ELF1: variants seen among roughly 807,000 people sequenced by gnomAD.
ELF1 encodes E74 like ETS transcription factor 1, also known as ETS-related transcription factor Elf-1.
A neutral mutation model predicts 59.9 loss-of-function variants in ELF1; 24 were observed. The observed-to-expected ratio is 0.40, with a 90% CI of 0.29 to 0.56. ELF1 has a LOEUF of 0.56. Among genes scored for constraint, ELF1 ranks in the 20% least tolerant of loss-of-function variants. ELF1 has a pLI of 0.44. For synonymous variants in ELF1, 248 were observed against 266.2 expected (o/e 0.93, Z 0.67); for missense variants, 627 against 742.2 (o/e 0.84, Z 1.80).
intron 1 of ELF1, among the ~76,000 whole-genome samples, chr13:41,031,151 C>A: frequency 6.8e-6 from 1 of 146,030 alleles, no homozygotes. Flanking sequence ...AGAGTGAGAC[C>A]CTATTAAAAA....
At chr13:41,008,550 G>A (rs1874877736) in intron 1 of ELF1, among the ~76,000 whole-genome samples, 1 of 151,286 alleles carries the variant, frequency 6.6e-6, no homozygotes, top group Non-Finnish European at 1.5e-5. Context: ...CACGCATGAT[G>A]TTACAAAATC....
At chr13:41,057,017 C>T (rs562027109) in intron 1 of ELF1, among the ~76,000 whole-genome samples, 1 of 152,146 alleles carries the variant, frequency 6.6e-6, no homozygotes, top group Non-Finnish European at 1.5e-5. Flanking sequence ...GGGTAAAGTC[C>T]AGATAATGTT....
intron 2 of ELF1, among the ~76,000 whole-genome samples, chr13:40,976,292 T>C (rs1388574598): frequency 6.6e-6 from 1 of 152,150 alleles, no homozygotes; most frequent in Non-Finnish European, 1.5e-5. Flanking sequence ...CTGTTAAAAG[T>C]TTTGGTACAC....
At chr13:41,005,266 T>A (rs1874674906) in intron 1 of ELF1, among the ~76,000 whole-genome samples, 2 of 152,170 alleles carry the variant, frequency 1.3e-5, no homozygotes, top group African/African-American at 4.8e-5. Context: ...TATAGTCTTT[T>A]GAAGAAGTAT....
Position 41,055,585 on chromosome 13 carries a change from A to G in ELF1, c.-229+5253T>C, listed in dbSNP as rs552976208. On this transcript the variant is annotated intron_variant, in intron 1 of 1. Coordinates refer to the ELF1 transcript ENST00000405737. ...TGTATTGTATCATAATTATCTGTATACTTACCTAACCTCCTCCATCAGTTA... is the reference window on the plus strand; with the variant it reads ...TGTATTGTATCATAATTATCTGTATGCTTACCTAACCTCCTCCATCAGTTA... 3.5e-4 allele frequency among the ~76,000 whole-genome samples: 54 copies of G among 152,214 alleles called. No individual in the cohort carries two copies. In the South Asian group the frequency reaches 0.011, roughly 30 times the overall value.
chr13:40,955,338 C>T (rs1328769228), intron 3 of ELF1, among the ~76,000 whole-genome samples: 3 of 145,616 alleles, frequency 2.1e-5, no homozygotes, highest in African/African-American at 5.1e-5. Context: ...GGGTTAGCCC[C>T]CCACCCGGCC....
At chr13:40,984,579 T>A (rs963571103) in intron 1 of ELF1, among the ~76,000 whole-genome samples, 2 of 152,040 alleles carry the variant, frequency 1.3e-5, no homozygotes, top group Non-Finnish European at 2.9e-5. Flanking sequence ...TAAATAAATA[T>A]CATTAGATAT....
chr13:40,955,532 C>T (rs1401753577), intron 3 of ELF1, among the ~76,000 whole-genome samples: 2 of 67,434 alleles, frequency 3.0e-5, no homozygotes, highest in African/African-American at 5.3e-5. Flanking sequence ...CCAGCCGCCC[C>T]GTCCGGGAAG....
chr13:40,994,544 G>A (rs1179223417), intron 1 of ELF1, among the ~76,000 whole-genome samples: 8 of 152,106 alleles, frequency 5.3e-5, no homozygotes, highest in Non-Finnish European at 4.4e-5. Context: ...CTTGGAGGCC[G>A]AGGCACGAGA....
chr13:41,036,433 G>A (rs1876383916), intron 1 of ELF1, among the ~76,000 whole-genome samples: 1 of 152,144 alleles, frequency 6.6e-6, no homozygotes, highest in Non-Finnish European at 1.5e-5. Flanking sequence ...CACACTTGAA[G>A]TCAAATCATT....
chr13:40,936,617 C>T (rs774691414), intron 8 of ELF1, among the ~76,000 whole-genome samples: 4 of 151,698 alleles, frequency 2.6e-5, no homozygotes, highest in East Asian at 1.9e-4. Flanking sequence ...TGGGCATAGT[C>T]GGGTGTGGTG....
At chr13:40,934,683 G>A (rs1017387336) in intron 8 of ELF1, among the ~76,000 whole-genome samples, 8 of 152,220 alleles carry the variant, frequency 5.3e-5, no homozygotes, top group Non-Finnish European at 1.0e-4. Flanking sequence ...GCCTCCCAAA[G>A]TGCTGGGATT....
intron 3 of ELF1, among the ~76,000 whole-genome samples, chr13:40,957,047 C>T (rs1464157200): frequency 2.1e-5 from 2 of 96,160 alleles, no homozygotes; most frequent in East Asian, 4.1e-4. Flanking sequence ...CTTAAACTTG[C>T]TTGATTTGTG....
intron 1 of ELF1, among the ~76,000 whole-genome samples, chr13:41,036,976 G>T (rs1306971493): frequency 1.3e-5 from 2 of 151,692 alleles, no homozygotes; most frequent in African/African-American, 4.8e-5. Context: ...AGTGGGGAGG[G>T]ATAGCATTAG....
At chr13:40,952,835 G>A (rs1198176012) in intron 3 of ELF1, among the ~76,000 whole-genome samples, 1 of 146,352 alleles carries the variant, frequency 6.8e-6, no homozygotes, top group Non-Finnish European at 1.5e-5. Flanking sequence ...CCCACTCACT[G>A]CCCTCAAGTC....
In ELF1 at chr13:40,943,072, T is replaced by C. The variant is rs1870285607; in HGVS notation, c.686A>G (p.Lys229Arg). ...AATGCCTTTCTCTCGCTGGGTCCAC[T>C]TGATGTATTTAGGACAAGTAGCCTT... ...QDKATCPKYI[K>R]WTQREKGIFK... Residue 229 changes from lysine (K) to arginine (R), a missense_variant, in exon 7 of 9, where the codon AAG becomes AGG. Transcript: ENST00000239882. The C allele has an allele frequency of 1.2e-6, 2 of 1,613,088 alleles. No homozygotes were observed. Among genetic ancestry groups the C allele is most frequent in the African/African-American group, 1.3e-5 (1 of 75,012 alleles).
At chr13:40,945,073 C>A (rs1258632024) in intron 5 of ELF1, among the ~76,000 whole-genome samples, 1 of 152,196 alleles carries the variant, frequency 6.6e-6, no homozygotes, top group African/African-American at 2.4e-5. Flanking sequence ...CTGCAGAGAA[C>A]CCTTCATGAG....
chr13:40,957,533 A>G (rs935053442), intron 3 of ELF1, among the ~76,000 whole-genome samples: 13 of 151,672 alleles, frequency 8.6e-5, no homozygotes, highest in African/African-American at 2.4e-4. Flanking sequence ...GAAAAAAAAG[A>G]AAGTGTGTAG....
intron 1 of ELF1, among the ~76,000 whole-genome samples, chr13:41,051,404 C>T (rs904601792): frequency 9.9e-5 from 15 of 151,998 alleles, no homozygotes; most frequent in African/African-American, 3.4e-4. Context: ...TGGCTGTACC[C>T]TTCCTTTCTA....
Sources: gnomAD v4.1 joint callset for allele counts (sites outside exome capture counted in the v4.1 genomes callset) on GRCh38, gnomAD v4.1.1 for gene constraint, MANE v1.5 for transcripts, NCBI Gene and HGNC (gene_info 2026-07-23, HGNC 2026-07-21) for gene names.